GPSM2: variants seen among roughly 807,000 people sequenced by gnomAD.
GPSM2 encodes the protein G protein signaling modulator 2.
GPSM2 carries 58 observed loss-of-function variants against 78.4 expected under a neutral mutation model. The observed-to-expected ratio is 0.74, with a 90% confidence interval of 0.60 to 0.92. GPSM2 has a LOEUF of 0.92. Ranked by LOEUF, GPSM2 falls within the 40% of genes least tolerant of loss-of-function variation. The pLI is 0.00. For missense variants in GPSM2, 700 were observed against 815.5 expected (o/e 0.86, Z 1.73); for synonymous variants, 224 against 280.2 (o/e 0.80, Z 2.00).
In GPSM2 at chr1:108,931,334, G is replaced by A; in HGVS notation, c.*1394G>A. The A allele has an allele frequency of 6.5e-7, 1 of 1,549,974 alleles. No individual in the cohort carries two copies. The highest frequency in any genetic ancestry group is 8.7e-7 in the Non-Finnish European group (1 of 1,146,590). ...CCAGATATTGAAGGCAGTTTACAAG[G>A]GGATGATAACAAAGTAACTAACTAA... On this transcript the variant is annotated 3_prime_UTR_variant, in exon 15 of 15. Transcript: ENST00000264126.
chr1:108,897,820 AATT>A, intron 4 of GPSM2, 136 bp from the exon 5 acceptor site: 4 of 957,536 alleles, frequency 4.2e-6, no homozygotes, highest in Non-Finnish European at 6.3e-6. Context: ...TTTCATAAGT[AATT>A]ATTTGATTGG....
intron 10 of GPSM2, among the ~76,000 whole-genome samples, chr1:108,907,675 A>G (rs754351805): frequency 7.0e-4 from 107 of 152,254 alleles, no homozygotes; most frequent in Non-Finnish European, 1.2e-4. Flanking sequence ...TGCTTATGAT[A>G]TGCCAGGCAC....
intron 14 of GPSM2, chr1:108,929,415 TA>T (rs1210539871): frequency 2.5e-6 from 1 of 407,524 alleles, no homozygotes; most frequent in South Asian, 2.6e-5. Context: ...CAATTATAAT[TA>T]AAACAGTATG....
intron 10 of GPSM2, among the ~76,000 whole-genome samples, chr1:108,907,036 C>T (rs1649288513): frequency 6.6e-6 from 1 of 152,172 alleles, no homozygotes; most frequent in Non-Finnish European, 1.5e-5. Flanking sequence ...ACGGAATCCT[C>T]AGTCCTCACC....
At chr1:108,893,144 C>G (rs1029142272) in intron 2 of GPSM2, among the ~76,000 whole-genome samples, 1 of 152,192 alleles carries the variant, frequency 6.6e-6, no homozygotes, top group Non-Finnish European at 1.5e-5. Context: ...TCAATGGTTC[C>G]AGTAAAATGT....
chr1:108,901,104 C>G (rs1648772400), intron 7 of GPSM2, among the ~76,000 whole-genome samples: 1 of 152,118 alleles, frequency 6.6e-6, no homozygotes, highest in Admixed American at 6.5e-5. Context: ...ATATTTCCCC[C>G]ATTTTATATA....
At chr1:108,883,340 T>C (rs768296652) in intron 1 of GPSM2, among the ~76,000 whole-genome samples, 34 of 152,182 alleles carry the variant, frequency 2.2e-4, no homozygotes, top group Non-Finnish European at 3.5e-4. Flanking sequence ...ATAGCTGAAA[T>C]ACTTAAAAGG....
At chr1:108,904,019 A>G (rs1466024791) in intron 9 of GPSM2, 106 bp from the exon 10 acceptor site, 2 of 782,230 alleles carry the variant, frequency 2.6e-6, no homozygotes, top group African/African-American at 3.5e-5. Context: ...AACTATTTTC[A>G]TTTCTCTATA....
At chr1:108,915,711 C>T (rs1650159864) in intron 11 of GPSM2, among the ~76,000 whole-genome samples, 1 of 151,922 alleles carries the variant, frequency 6.6e-6, no homozygotes, top group Admixed American at 6.6e-5. Context: ...AGGCGTGAGC[C>T]ACTGCTCCTG....
intron 2 of GPSM2, among the ~76,000 whole-genome samples, chr1:108,889,253 A>G (rs1557857179): frequency 1.3e-5 from 2 of 152,170 alleles, no homozygotes; most frequent in Non-Finnish European, 2.9e-5. Context: ...TATCCACCCT[A>G]CTGCTGTGTC....
intron 2 of GPSM2, among the ~76,000 whole-genome samples, chr1:108,889,976 T>C (rs1423989832): frequency 1.3e-5 from 2 of 152,204 alleles, no homozygotes. Context: ...GTGTCTTTGC[T>C]CATGCTATGC....
intron 10 of GPSM2, among the ~76,000 whole-genome samples, chr1:108,914,097 T>C (rs1207360058): frequency 6.6e-6 from 1 of 152,206 alleles, no homozygotes; most frequent in Non-Finnish European, 1.5e-5. Flanking sequence ...TAGTAACCAG[T>C]GTTAGTTTCC....
rs1557865780 is a variant in GPSM2 at position 108,903,169 on chromosome 1, A to AC, written c.998dup (p.Ala334SerfsTer6). ...ATGTTGGAGCTTAGGAAATGCATAC[A>AC]CAGCACTAGGAAATCATGATCAAGC... is the stretch of plus-strand genomic sequence containing the variant. On this transcript the variant is annotated frameshift_variant, in exon 9 of 15. Transcript: ENST00000264126. LOFTEE classifies it high-confidence loss of function. 1 of 1,611,870 alleles carries AC rather than the reference A, an allele frequency of 6.2e-7. No homozygotes were observed. Among genetic ancestry groups the AC allele is most frequent in the Admixed American group, 1.7e-5 (1 of 60,016 alleles).
intron 14 of GPSM2, among the ~76,000 whole-genome samples, chr1:108,927,179 T>C (rs1028192646): frequency 1.3e-5 from 2 of 152,246 alleles, no homozygotes; most frequent in African/African-American, 4.8e-5. Context: ...CCCATGTTCA[T>C]GGATTAGAAG....
At chr1:108,908,395 C>A (rs1454171151) in intron 10 of GPSM2, among the ~76,000 whole-genome samples, 1 of 147,966 alleles carries the variant, frequency 6.8e-6, no homozygotes, top group Non-Finnish European at 1.5e-5. Context: ...ACAAAAAAAA[C>A]ACAGGAGGCC....
At chr1:108,926,422 C>G (rs1651121947) in intron 14 of GPSM2, 1 of 152,092 alleles carries the variant, frequency 6.6e-6, no homozygotes, top group South Asian at 2.1e-4. Flanking sequence ...ATTGCCAATA[C>G]CAAAGCCAGA....
In GPSM2 at chr1:108,911,799, ATTTTT is replaced by A. The variant is rs71069618; in HGVS notation, c.1193-2519_1193-2515del. On this transcript the variant is annotated intron_variant, in intron 10 of 14. Coordinates refer to ENST00000264126, the MANE Select transcript of GPSM2 (RefSeq NM_013296.5). Reference sequence around the variant, plus strand: ...TAAACCATACTCAAGTGGGAAGACAATTTTTTTTTTTTTTTTTTTTTTTTAAAGAC... The same window carrying A: ...TAAACCATACTCAAGTGGGAAGACAATTTTTTTTTTTTTTTTTTTAAAGAC... Among the ~76,000 whole-genome samples the A allele has an allele frequency of 1.7e-4, 19 of 108,720 alleles. 1 individual carries two copies. Among genetic ancestry groups the A allele is most frequent in the South Asian group, 1.6e-3 (5 of 3,168 alleles). The allele number at this position is 108,720 out of a possible 152,430, so 71.3% of individuals were successfully genotyped here.
chr1:108,889,091 G>T (rs1202033226), intron 2 of GPSM2, among the ~76,000 whole-genome samples: 3 of 152,164 alleles, frequency 2.0e-5, no homozygotes, highest in Non-Finnish European at 1.5e-5. Flanking sequence ...TGAAAGGCTT[G>T]TTCCCCGGTG....
At chr1:108,912,259 A>T (rs1428653558) in intron 10 of GPSM2, among the ~76,000 whole-genome samples, 2 of 152,216 alleles carry the variant, frequency 1.3e-5, no homozygotes, top group African/African-American at 4.8e-5. Context: ...AAACATTCCT[A>T]AGAATATGAA....
Sources: allele counts gnomAD v4.1 joint callset (sites outside exome capture counted in the v4.1 genomes callset), GRCh38; gene constraint gnomAD v4.1.1; transcripts MANE v1.5; gene names NCBI Gene and HGNC (gene_info 2026-07-23, HGNC 2026-07-21).